NRIP3: variants seen among roughly 807,000 people sequenced by gnomAD.
NRIP3 encodes nuclear receptor-interacting protein 3.
Under a neutral mutation model 29.0 loss-of-function variants are expected in NRIP3, and 31 were observed. The ratio of observed to expected loss-of-function variants is 1.07; its 90% CI spans 0.80 to 1.44. The LOEUF (loss-of-function observed/expected upper bound fraction) is 1.44. Among genes scored for constraint, NRIP3 ranks in the 40% most tolerant of loss-of-function variants. The pLI is 0.00. For synonymous variants in NRIP3, 131 were observed against 118.3 expected, an observed-to-expected ratio of 1.11 and a Z score of -0.70; for missense variants, 314 against 297.9, an observed-to-expected ratio of 1.05 and a Z score of -0.40.
intron 1 of NRIP3, among the ~76,000 whole-genome samples, chr11:8,990,702 G>A (rs1372328081): frequency 1.3e-5 from 2 of 152,154 alleles, no homozygotes; most frequent in Non-Finnish European, 2.9e-5. Context: ...TGAGACAGGA[G>A]AATTGCTTGA....
At chr11:8,988,995 T>G (rs1213960076) in intron 1 of NRIP3, among the ~76,000 whole-genome samples, 1 of 152,232 alleles carries the variant, frequency 6.6e-6, no homozygotes, top group Non-Finnish European at 1.5e-5. Flanking sequence ...CTGCCCTATC[T>G]TGTCATCCAT....
intron 3 of NRIP3, among the ~76,000 whole-genome samples, chr11:8,986,311 G>C (rs1220838108): frequency 6.6e-6 from 1 of 152,134 alleles, no homozygotes; most frequent in Non-Finnish European, 1.5e-5. Context: ...GTCTGTCTTA[G>C]ACTATAATGT....
intron 6 of NRIP3, 127 bp from the exon 7 acceptor site, chr11:8,983,687 C>A: frequency 1.1e-6 from 1 of 939,374 alleles, no homozygotes; most frequent in South Asian, 1.5e-5. Flanking sequence ...CACCATTGCT[C>A]ATTCTGATGT....
chr11:9,003,894 C>T lies in NRIP3; in HGVS notation c.42G>A (p.Glu14=). 3.9e-6 allele frequency: 6 copies of T among 1,522,674 alleles called. No individual in the cohort carries two copies. The highest frequency in any genetic ancestry group is 5.3e-6 in the Non-Finnish European group (6 of 1,136,380). 94.3% of individuals were successfully genotyped at this position (1,522,674 alleles called of 1,614,324 possible). ...SGLLTEGGRK[E]TDMREAASLR... is the part of the protein sequence containing the mutation. ...GTGACGCCGCCTCCCGCATGTCGGTCTCCTTGCGGCCGCCCTCAGTGAGGA... is the reference window on the plus strand; with the variant it reads ...GTGACGCCGCCTCCCGCATGTCGGTTTCCTTGCGGCCGCCCTCAGTGAGGA... Residue 14 remains glutamate (E), a synonymous_variant, in exon 1 of 7, where the codon GAG becomes GAA. Coordinates refer to ENST00000309166, the MANE Select transcript of NRIP3 (RefSeq NM_020645.3).
At chr11:9,004,201 C>A, upstream of NRIP3, 1 of 318,356 alleles carries the variant, frequency 3.1e-6, no homozygotes, top group Admixed American at 5.0e-5. Flanking sequence ...GGGACTGACC[C>A]GGCAGTCCGA....
chr11:9,003,876 C>T lies in NRIP3; in HGVS notation c.60G>A (p.Ala20=), dbSNP rs1418041449. The change falls in exon 1 of 7, where the codon GCG becomes GCA. Residue 20 remains alanine, a synonymous_variant. Coordinates refer to ENST00000309166, the MANE Select transcript of NRIP3 (RefSeq NM_020645.3). ...GGRKETDMRE[A]ASLRQQRRMK... ...TCCGGCGCTGCTGTCGCAGTGACGC[C>T]GCCTCCCGCATGTCGGTCTCCTTGC... 1 of 1,522,212 alleles carries T rather than the reference C, an allele frequency of 6.6e-7. No homozygotes were observed. The highest frequency in any genetic ancestry group is 8.8e-7 in the Non-Finnish European group (1 of 1,136,266). 94.3% of individuals were successfully genotyped at this position (1,522,212 alleles called of 1,614,324 possible). A position where few individuals can be genotyped will look rare whatever the true frequency, so the allele number is the denominator to read the frequency against.
In NRIP3 at chr11:8,984,083, G is replaced by T; in HGVS notation, c.604C>A (p.Arg202=). 2 of 1,612,756 alleles carry T rather than the reference G, an allele frequency of 1.2e-6. No homozygotes were observed. The highest frequency in any genetic ancestry group is 1.7e-6 in the Non-Finnish European group (2 of 1,178,808). Reference sequence around the variant, plus strand: ...GGAGTCAATCTTACCTTCAGAGATCGGAGAGTCTGTAGACCAAGGGACAAG... The same window carrying T: ...GGAGTCAATCTTACCTTCAGAGATCTGAGAGTCTGTAGACCAAGGGACAAG... ...KNLSLGLQTL[R]SLKCIINLDK... is the part of the protein sequence containing the mutation. Residue 202 remains arginine (R), a synonymous_variant, in exon 5 of 7, where the codon CGA becomes AGA. Transcript: ENST00000309166.
At chr11:8,992,181 C>T (rs1270013085) in intron 1 of NRIP3, among the ~76,000 whole-genome samples, 2 of 152,196 alleles carry the variant, frequency 1.3e-5, no homozygotes, top group Non-Finnish European at 2.9e-5. Context: ...AGAACCTCTA[C>T]AGTTGAAGGA....
At chr11:8,986,581 C>T (rs552631396) in intron 3 of NRIP3, among the ~76,000 whole-genome samples, 12 of 152,228 alleles carry the variant, frequency 7.9e-5, no homozygotes, top group Admixed American at 7.8e-4. Context: ...GTGTTATAGC[C>T]CATCCAAAAG....
rs975704953 is a variant in NRIP3 at position 8,989,191 on chromosome 11, C to T, written c.175-909G>A. 6.6e-5 allele frequency among the ~76,000 whole-genome samples: 10 copies of T among 152,322 alleles called. No homozygotes were observed. The East Asian group carries it at 1.9e-3, about 29-fold the overall frequency. On this transcript the variant is annotated intron_variant, in intron 1 of 6. Transcript: ENST00000309166. ...GGAGAGTTCCTAGGGCAGATATAAT[C>T]ATGCTCCACTGTTTCTATTCAAAGT...
chr11:9,004,115 T>TCGCGTCCCGCGTCCCGCGTCC (rs548203402), upstream of NRIP3: 4 of 479,146 alleles, frequency 8.3e-6, no homozygotes, highest in African/African-American at 8.1e-5. Flanking sequence ...CGCGGCTCCC[T>TCGCGTCCCGCGTCCCGCGTCC]CGCGTCCCGC....
chr11:9,003,285 G>A (rs1854841061), intron 1 of NRIP3, among the ~76,000 whole-genome samples: 1 of 152,144 alleles, frequency 6.6e-6, no homozygotes, highest in South Asian at 2.1e-4. Context: ...GTTTTGCATA[G>A]GGGGACAATG....
At position 9,003,981 on chromosome 11, in the gene NRIP3, T is replaced by A; in HGVS notation, c.-46A>T. 1 of 1,443,130 alleles carries A rather than the reference T, an allele frequency of 6.9e-7. No individual in the cohort carries two copies. The allele number at this position is 1,443,130 out of a possible 1,614,324, so 89.4% of individuals were successfully genotyped here. A position where few individuals can be genotyped will look rare whatever the true frequency, so the allele number is the denominator to read the frequency against. On this transcript the variant is annotated 5_prime_UTR_variant, in exon 1 of 7. Transcript: ENST00000309166. Reference sequence around the variant, plus strand: ...GGTAGCCCACAGCCCCCCGGCAGCCTCAGCCTCGAGCTCCTCCAGCGCCGC... The same window carrying A: ...GGTAGCCCACAGCCCCCCGGCAGCCACAGCCTCGAGCTCCTCCAGCGCCGC...
At chr11:8,983,696 G>A (rs970348403) in intron 6 of NRIP3, 136 bp from the exon 7 acceptor site, 9 of 911,230 alleles carry the variant, frequency 9.9e-6, no homozygotes, top group African/African-American at 3.3e-5. Flanking sequence ...TCATTCTGAT[G>A]TGTGCACTAC....
intron 1 of NRIP3, among the ~76,000 whole-genome samples, chr11:8,994,021 G>A (rs1359136051): frequency 2.0e-5 from 3 of 151,942 alleles, no homozygotes; most frequent in African/African-American, 7.3e-5. Flanking sequence ...CACAAGAAAA[G>A]CCAACTTACC....
chr11:8,996,954 C>T (rs1854717844), intron 1 of NRIP3, among the ~76,000 whole-genome samples: 1 of 152,138 alleles, frequency 6.6e-6, no homozygotes, highest in Non-Finnish European at 1.5e-5. Flanking sequence ...TGGCACACGC[C>T]TGTAGTCCCA....
rs1254549651 is a variant in NRIP3, at chr11:8,981,582, C to T, written c.*1963G>A. 1 of 151,882 alleles carries T rather than the reference C, an allele frequency of 6.6e-6. No homozygotes were observed. Among genetic ancestry groups the T allele is most frequent in the Non-Finnish European group, 1.5e-5 (1 of 68,020 alleles). The allele number at this position is 151,882 out of a possible 1,614,324, so 9.4% of individuals were successfully genotyped here. On this transcript the variant is annotated 3_prime_UTR_variant, in exon 7 of 7. Coordinates refer to ENST00000309166, the MANE Select transcript of NRIP3 (RefSeq NM_020645.3). ...GTAGGGAAGTAAAGGGTGAGCTTTA[C>T]TTCAACTTAGTACCAGGATAAGAGG...
At chr11:8,992,249 C>T (rs192795948) in intron 1 of NRIP3, among the ~76,000 whole-genome samples, 379 of 152,214 alleles carry the variant, frequency 2.5e-3, no homozygotes, top group African/African-American at 8.7e-3. Flanking sequence ...ATCTGGAGAA[C>T]TGAGGAGAAT....
intron 3 of NRIP3, among the ~76,000 whole-genome samples, chr11:8,986,855 C>G (rs929351760): frequency 1.3e-5 from 2 of 152,122 alleles, no homozygotes; most frequent in African/African-American, 4.8e-5. Context: ...CCCCTCTCTA[C>G]AAAAAATACA....
Sources: allele counts gnomAD v4.1 joint callset (sites outside exome capture counted in the v4.1 genomes callset), GRCh38; gene constraint gnomAD v4.1.1; transcripts MANE v1.5; gene names NCBI Gene and HGNC (gene_info 2026-07-23, HGNC 2026-07-21).